Variants in STX7 observed in about 807,000 individuals in gnomAD.
STX7 encodes the protein syntaxin-7.
Under a neutral mutation model 39.6 loss-of-function variants are expected in STX7, and 34 were observed. The observed-to-expected ratio is 0.86, with a 90% confidence interval of 0.65 to 1.14. STX7 has a LOEUF of 1.14. Among genes scored for constraint, STX7 ranks in the 50% most tolerant of loss-of-function variants. The pLI is 0.00. For synonymous variants in STX7, 119 were observed against 99.1 expected, an observed-to-expected ratio of 1.20 and a Z score of -1.19; for missense variants, 284 against 310.4, an observed-to-expected ratio of 0.92 and a Z score of 0.64.
intron 2 of STX7, among the ~76,000 whole-genome samples, chr6:132,502,622 G>A (rs886152542): frequency 1.2e-4 from 16 of 130,776 alleles, no homozygotes; most frequent in Non-Finnish European, 1.7e-4. Context: ...TAATTTGGCC[G>A]GGCGCGGTGG....
intron 2 of STX7, among the ~76,000 whole-genome samples, chr6:132,492,624 A>G (rs548895902): frequency 6.6e-6 from 1 of 152,170 alleles, no homozygotes; most frequent in African/African-American, 2.4e-5. Flanking sequence ...TATGAACCAG[A>G]CTCTCCTGGG....
rs1374324865 is a variant in STX7, at chr6:132,446,311, G to A, written c.*14447C>T. On this transcript the variant is annotated 3_prime_UTR_variant, in exon 10 of 10. Transcript: ENST00000367941. ...TTGGTCTGAACACAGAGTCACTTGTGTTTCTGAAGCCTCTCTGCATCAAGA... is the reference window on the plus strand; with the variant it reads ...TTGGTCTGAACACAGAGTCACTTGTATTTCTGAAGCCTCTCTGCATCAAGA... 6.6e-6 allele frequency: 1 copy of A among 152,148 alleles called. No homozygotes were observed. The highest frequency in any genetic ancestry group is 1.5e-5 in the Non-Finnish European group (1 of 68,016). 9.4% of individuals were successfully genotyped at this position (152,148 alleles called of 1,614,324 possible). A position where few individuals can be genotyped will look rare whatever the true frequency, so the allele number is the denominator to read the frequency against.
chr6:132,495,495 T>G (rs1006444491), intron 2 of STX7, among the ~76,000 whole-genome samples: 1 of 152,182 alleles, frequency 6.6e-6, no homozygotes, highest in African/African-American at 2.4e-5. Context: ...TCAACTCTTT[T>G]TCCTTTAATA....
chr6:132,499,622 C>T (rs1775502041), intron 2 of STX7, among the ~76,000 whole-genome samples: 1 of 152,178 alleles, frequency 6.6e-6, no homozygotes, highest in Non-Finnish European at 1.5e-5. Flanking sequence ...AAATCTACCA[C>T]ATCTTGATTT....
intron 2 of STX7, 51 bp downstream of exon 2, chr6:132,503,395 T>A (rs760474819): frequency 7.4e-6 from 11 of 1,484,722 alleles, no homozygotes; most frequent in Non-Finnish European, 8.5e-6. Flanking sequence ...CTCCACCAAG[T>A]TCAGTTAAGA....
At chr6:132,483,050 C>T (rs1775049463) in intron 2 of STX7, among the ~76,000 whole-genome samples, 2 of 151,874 alleles carry the variant, frequency 1.3e-5, no homozygotes, top group Non-Finnish European at 2.9e-5. Flanking sequence ...AGTCTTTGTC[C>T]TCAGTTATTA....
At chr6:132,469,498 T>C (rs1307323703) in intron 7 of STX7, among the ~76,000 whole-genome samples, 1 of 152,126 alleles carries the variant, frequency 6.6e-6, no homozygotes, top group Non-Finnish European at 1.5e-5. Context: ...AAAAAGGAAT[T>C]ATTCCAACTC....
chr6:132,490,160 G>A (rs1056256171), intron 2 of STX7, among the ~76,000 whole-genome samples: 1 of 152,216 alleles, frequency 6.6e-6, no homozygotes, highest in Non-Finnish European at 1.5e-5. Context: ...CAGTGGTGAG[G>A]CCTTGCGCCT....
In STX7 at chr6:132,453,009, T is replaced by A. The variant is rs1774165481; in HGVS notation, c.*7749A>T. 1 of 152,136 alleles carries A rather than the reference T, an allele frequency of 6.6e-6. No individual in the cohort carries two copies. Among genetic ancestry groups the A allele is most frequent in the Non-Finnish European group, 1.5e-5 (1 of 67,994 alleles). The allele number at this position is 152,136 out of a possible 1,614,324, so 9.4% of individuals were successfully genotyped here. On this transcript the variant is annotated 3_prime_UTR_variant, in exon 10 of 10. Coordinates refer to ENST00000367941, the MANE Select transcript of STX7 (RefSeq NM_003569.3). ...ATCAAGATTTTGGTGTTGGTGGAGGTATAGACACATAGTCTAATGGAAAAG... is the reference window on the plus strand; with the variant it reads ...ATCAAGATTTTGGTGTTGGTGGAGGAATAGACACATAGTCTAATGGAAAAG...
At position 132,503,450 on chromosome 6, in the gene STX7, CTG is replaced by C; in HGVS notation, c.79_80del (p.Gln27ValfsTer20). The C allele has an allele frequency of 1.9e-6, 3 of 1,613,806 alleles. No homozygotes were observed. Among genetic ancestry groups the C allele is most frequent in the Non-Finnish European group, 2.5e-6 (3 of 1,179,742 alleles). ...TCCATTTAAAACTCAACTCACAACACTGTGTGATCTTCTGGATGTTAGAAGAG... is the reference window on the plus strand; with the variant it reads ...TCCATTTAAAACTCAACTCACAACACTGTGATCTTCTGGATGTTAGAAGAG... ...RISSNIQKIT[Q>X]CSVEIQRTLN... is the part of the protein sequence containing the mutation. On this transcript the variant is annotated frameshift_variant, in exon 2 of 10. Coordinates refer to ENST00000367941, the MANE Select transcript of STX7 (RefSeq NM_003569.3). LOFTEE classifies it high-confidence loss of function.
chr6:132,453,166 A>G lies in STX7; in HGVS notation c.*7592T>C, dbSNP rs1774169101. The stretch of plus-strand genomic sequence containing the variant: ...ACAAAAAAGAGCCTTTTCGACAAAT[A>G]TCATGTTGGAGTAATTGAATATCCA... On this transcript the variant is annotated 3_prime_UTR_variant, in exon 10 of 10. Coordinates refer to ENST00000367941, the MANE Select transcript of STX7 (RefSeq NM_003569.3). 1.3e-5 allele frequency: 2 copies of G among 152,290 alleles called. 1 individual carries two copies. Among genetic ancestry groups the G allele is most frequent in the East Asian group, 3.9e-4 (2 of 5,192 alleles). The allele number at this position is 152,290 out of a possible 1,614,324, so 9.4% of individuals were successfully genotyped here. A position where few individuals can be genotyped will look rare whatever the true frequency, so the allele number is the denominator to read the frequency against.
intron 8 of STX7, 125 bp from the exon 9 acceptor site, chr6:132,464,200 T>A: frequency 1.1e-6 from 1 of 941,642 alleles, no homozygotes; most frequent in Non-Finnish European, 1.6e-6. Flanking sequence ...TAGTAGTATA[T>A]CATAAAGTTG....
At position 132,455,421 on chromosome 6, in the gene STX7, A is replaced by G. The variant is rs571011130; in HGVS notation, c.*5337T>C. Reference sequence around the variant, plus strand: ...AACGATACTTACAGTAAACACTTAAAAATTTGTACTTTGGGTTGGCCAAAG... The same window carrying G: ...AACGATACTTACAGTAAACACTTAAGAATTTGTACTTTGGGTTGGCCAAAG... On this transcript the variant is annotated 3_prime_UTR_variant, in exon 10 of 10. Transcript: ENST00000367941. The G allele has an allele frequency of 6.6e-6, 1 of 152,330 alleles. No individual in the cohort carries two copies. The highest frequency in any genetic ancestry group is 6.5e-5 in the Admixed American group (1 of 15,290). The allele number at this position is 152,330 out of a possible 1,614,324, so 9.4% of individuals were successfully genotyped here.
chr6:132,461,687 A>T, intron 9 of STX7: 1 of 731,858 alleles, frequency 1.4e-6, no homozygotes, highest in Non-Finnish European at 2.1e-6. Flanking sequence ...CTTTAATATT[A>T]ATGGGAAACT....
intron 2 of STX7, among the ~76,000 whole-genome samples, chr6:132,481,787 C>T (rs1264533874): frequency 6.6e-6 from 1 of 152,136 alleles, no homozygotes; most frequent in Admixed American, 6.6e-5. Flanking sequence ...GGTGCAGCAG[C>T]AACAAATGCT....
intron 1 of STX7, among the ~76,000 whole-genome samples, chr6:132,508,962 T>G (rs549753268): frequency 6.6e-6 from 1 of 152,330 alleles, no homozygotes; most frequent in East Asian, 1.9e-4. Context: ...TTTTCTCAGT[T>G]AATTCTTATA....
intron 2 of STX7, among the ~76,000 whole-genome samples, chr6:132,501,753 T>C (rs1038438681): frequency 6.6e-6 from 1 of 152,114 alleles, no homozygotes; most frequent in Non-Finnish European, 1.5e-5. Flanking sequence ...CCTCCTTTCT[T>C]GCATAAAGGT....
intron 1 of STX7, among the ~76,000 whole-genome samples, chr6:132,507,629 T>C (rs1267211471): frequency 6.6e-6 from 1 of 152,210 alleles, no homozygotes; most frequent in Non-Finnish European, 1.5e-5. Flanking sequence ...CTGTATCATA[T>C]ATCAGTCCTT....
At chr6:132,495,723 C>T (rs941185085) in intron 2 of STX7, among the ~76,000 whole-genome samples, 3 of 152,056 alleles carry the variant, frequency 2.0e-5, no homozygotes, top group Non-Finnish European at 4.4e-5. Context: ...GTCCCCTTCA[C>T]CAGACCCTAA....
Sources: allele counts gnomAD v4.1 joint callset (sites outside exome capture counted in the v4.1 genomes callset), GRCh38; gene constraint gnomAD v4.1.1; transcripts MANE v1.5; gene names NCBI Gene and HGNC (gene_info 2026-07-23, HGNC 2026-07-21).